Variants in DNAH2 observed in about 807,000 individuals in gnomAD.
DNAH2 encodes the protein dynein axonemal heavy chain 2.
In DNAH2, 323 loss-of-function variants were observed where a neutral mutation model predicts 523.5. That is an observed-to-expected ratio of 0.62 (90% confidence interval 0.56 to 0.68). The LOEUF (loss-of-function observed/expected upper bound fraction) is 0.68. Ranked by LOEUF, DNAH2 falls within the 30% of genes least tolerant of loss-of-function variation. DNAH2 has a pLI of 0.00. For synonymous variants in DNAH2, 2,093 were observed against 2,177.4 expected, an observed-to-expected ratio of 0.96 and a Z score of 1.08; for missense variants, 4,907 against 5,701.5, an observed-to-expected ratio of 0.86 and a Z score of 4.49.
Position 7,787,856 on chromosome 17 carries a change from T to G in DNAH2, c.6604-4T>G, listed in dbSNP as rs748790133. ...ATGAAGTTCTGACAAACGTATATCC[T>G]TAGGTGTCTCTCCTGTTTGAAGTGG... On this transcript the variant is annotated splice_polypyrimidine_tract_variant and splice_region_variant and intron_variant, in intron 42 of 85. Coordinates refer to ENST00000572933, the MANE Select transcript of DNAH2 (RefSeq NM_020877.5). The G allele has an allele frequency of 2.5e-6, 4 of 1,612,322 alleles. No homozygotes were observed. Among genetic ancestry groups the G allele is most frequent in the East Asian group, 4.5e-5 (2 of 44,838 alleles).
At chr17:7,748,144 C>G (rs1014141791) in intron 12 of DNAH2, among the ~76,000 whole-genome samples, 1 of 152,168 alleles carries the variant, frequency 6.6e-6, no homozygotes, top group African/African-American at 2.4e-5. Context: ...CTCTGAAGTC[C>G]AAATTGGCTT....
In DNAH2 at chr17:7,733,328, A is replaced by G; in HGVS notation, c.628+13A>G. 2 of 1,613,188 alleles carry G rather than the reference A, an allele frequency of 1.2e-6. No homozygotes were observed. The highest frequency in any genetic ancestry group is 1.7e-6 in the Non-Finnish European group (2 of 1,179,706). On this transcript the variant is annotated intron_variant, in intron 5 of 85. Coordinates refer to ENST00000572933, the MANE Select transcript of DNAH2 (RefSeq NM_020877.5). ...GCCTGCCTGACAGGTAAGTGGGAAG[A>G]CCGGAGTGACTAGTTTCTCCTTAGT...
Position 7,758,499 on chromosome 17 carries a change from A to G in DNAH2, c.2056A>G (p.Ile686Val). 4 of 1,613,704 alleles carry G rather than the reference A, an allele frequency of 2.5e-6. No individual in the cohort carries two copies. The highest frequency in any genetic ancestry group is 3.4e-6 in the Non-Finnish European group (4 of 1,179,884). Residue 686 changes from isoleucine to valine, a missense_variant, in exon 14 of 86, where the codon ATT (isoleucine) becomes GTT (valine). Ile to Val is a conservative substitution (Grantham distance 29, BLOSUM62 3). Transcript: ENST00000572933. ...LLVARDYNRIIAMLSPDEQAL... is the reference protein window; with the variant it reads ...LLVARDYNRIVAMLSPDEQAL... Reference sequence around the variant, plus strand: ...CCAGGCCTCTCTTATGCACAGGATTATTGCCATGCTGTCCCCAGATGAGCA... The same window carrying G: ...CCAGGCCTCTCTTATGCACAGGATTGTTGCCATGCTGTCCCCAGATGAGCA...
rs2076742712 is a variant in DNAH2, at chr17:7,786,637, A to G, written c.6416A>G (p.Asn2139Ser). The G allele has an allele frequency of 1.9e-6, 3 of 1,614,084 alleles. No individual in the cohort carries two copies. The highest frequency in any genetic ancestry group is 2.5e-6 in the Non-Finnish European group (3 of 1,180,030). ...ELYGEYDLST[N>S]EWTDGILSSV... ...TATGGGGAATATGACCTCAGCACCA[A>G]TGAATGGACAGATGGCATCTTGTCC... Residue 2139 changes from asparagine to serine, a missense_variant, in exon 41 of 86, where the codon AAT becomes AGT. Asn to Ser is a conservative substitution (Grantham distance 46, BLOSUM62 1). Around this residue, in one of 3 missense-constraint regions of DNAH2, gnomAD observed 2,806 missense variants for 3,190.8 expected, o/e 0.88. Coordinates refer to ENST00000572933, the MANE Select transcript of DNAH2 (RefSeq NM_020877.5). This position sits in a 1 kb window ranked among gnomAD's most constrained non-coding sequence, Gnocchi z 7.5.
At chr17:7,723,049 A>C (rs1262708257) in intron 2 of DNAH2, among the ~76,000 whole-genome samples, 1 of 143,918 alleles carries the variant, frequency 6.9e-6, no homozygotes, top group Non-Finnish European at 1.5e-5. Flanking sequence ...GGCTCACTAC[A>C]AGCTCCGCCT....
chr17:7,755,615 G>A (rs550008017), intron 12 of DNAH2, among the ~76,000 whole-genome samples: 2 of 152,192 alleles, frequency 1.3e-5, no homozygotes, highest in Admixed American at 1.3e-4. Context: ...TGGGATGCAG[G>A]GGAGGAAGCT....
intron 74 of DNAH2, 36 bp downstream of exon 74, chr17:7,823,664 C>T (rs748025526): frequency 3.7e-6 from 6 of 1,605,678 alleles, no homozygotes; most frequent in Non-Finnish European, 5.1e-6. Flanking sequence ...CACTTTTCTC[C>T]TTCCCTCCAT....
intron 77 of DNAH2, among the ~76,000 whole-genome samples, chr17:7,826,070 G>T (rs1299278044): frequency 1.3e-5 from 2 of 152,224 alleles, no homozygotes; most frequent in Non-Finnish European, 2.9e-5. Context: ...GTTGCAGGGA[G>T]CTGAGATTGC....
rs2076514024 is a variant in DNAH2 at position 7,778,324 on chromosome 17, G to A, written c.5396G>A (p.Gly1799Asp). 1 of 1,614,178 alleles carries A rather than the reference G, an allele frequency of 6.2e-7. No homozygotes were observed. Among genetic ancestry groups the A allele is most frequent in the Non-Finnish European group, 8.5e-7 (1 of 1,180,032 alleles). ...LTTALHLHRG[G>D]SPKGPAGTGK... ...ACGGCATTGCACCTGCACCGAGGGG[G>A]CTCCCCCAAAGGCCCTGCAGGCACA... The change falls in exon 35 of 86, where the codon GGC becomes GAC. Residue 1799 changes from glycine to aspartate, a missense_variant. By Grantham distance (94) the Gly-to-Asp change is moderately conservative. Transcript: ENST00000572933.
intron 39 of DNAH2, among the ~76,000 whole-genome samples, chr17:7,784,431 A>G (rs895996398): frequency 6.6e-6 from 1 of 152,196 alleles, no homozygotes; most frequent in African/African-American, 2.4e-5. Context: ...TAGCCCCAGG[A>G]CTTTGGGAGG....
intron 63 of DNAH2, among the ~76,000 whole-genome samples, chr17:7,808,085 A>G (rs536752626): frequency 6.6e-6 from 1 of 152,284 alleles, no homozygotes; most frequent in East Asian, 1.9e-4. Flanking sequence ...AGATGCATGC[A>G]TGAGGCTGGG....
chr17:7,750,552 T>C (rs1467354526), intron 12 of DNAH2, among the ~76,000 whole-genome samples: 1 of 152,190 alleles, frequency 6.6e-6, no homozygotes, highest in Non-Finnish European at 1.5e-5. Flanking sequence ...ACAACTGTTT[T>C]CCTGCCCTCT....
chr17:7,805,488 G>A, intron 61 of DNAH2, 95 bp downstream of exon 61: 1 of 1,558,078 alleles, frequency 6.4e-7, no homozygotes, highest in Non-Finnish European at 8.7e-7. Context: ...AGGGATGGAT[G>A]AGGCATTGTT....
At chr17:7,722,898 T>A (rs1471158556) in intron 2 of DNAH2, among the ~76,000 whole-genome samples, 1 of 151,970 alleles carries the variant, frequency 6.6e-6, no homozygotes, top group Admixed American at 6.6e-5. Flanking sequence ...TACCTAGAAG[T>A]GGAATTGCTG....
intron 7 of DNAH2, among the ~76,000 whole-genome samples, chr17:7,736,005 G>A (rs773164355): frequency 7.2e-5 from 11 of 151,774 alleles, no homozygotes; most frequent in Admixed American, 2.0e-4. Flanking sequence ...CACCCGCCTC[G>A]GCCTCACAAA....
intron 20 of DNAH2, 75 bp downstream of exon 20, chr17:7,764,348 T>G (rs989326530): frequency 6.6e-7 from 1 of 1,523,380 alleles, no homozygotes; most frequent in Non-Finnish European, 8.8e-7. Flanking sequence ...TTGGCTGTCC[T>G]CGGGGAGAGT....
rs769138399 is a variant in DNAH2 at position 7,830,687 on chromosome 17, C to A, written c.12075C>A (p.Leu4025=). 3 of 1,614,202 alleles carry A rather than the reference C, an allele frequency of 1.9e-6. No homozygotes were observed. In the South Asian group the frequency reaches 3.3e-5, roughly 18 times the overall value. ...CAGAAAACTTGCTGAGCCTCTATCT[C>A]GATGAGTACGAGGAGACACCTTGGG... is the stretch of plus-strand genomic sequence containing the variant. The part of the protein sequence containing the change: ...EVSENLLSLY[L]DEYEETPWDA... Residue 4025 remains leucine, a synonymous_variant, in exon 79 of 86, where the codon CTC becomes CTA. Coordinates refer to ENST00000572933, the MANE Select transcript of DNAH2 (RefSeq NM_020877.5).
rs1328994539 is a variant in DNAH2 at position 7,830,469 on chromosome 17, G to C, written c.12023G>C (p.Gly4008Ala). 1 of 1,614,166 alleles carries C rather than the reference G, an allele frequency of 6.2e-7. No individual in the cohort carries two copies. Among genetic ancestry groups the C allele is most frequent in the Non-Finnish European group, 8.5e-7 (1 of 1,180,034 alleles). ...CAGCTTGGCTGGAACATCATCTATG[G>C]CTTCAATGACTCCGACTTTGAGGTT... ...FLQLGWNIIY[G>A]FNDSDFEVSE... Residue 4008 changes from glycine to alanine, a missense_variant, in exon 78 of 86, where the codon GGC (glycine) becomes GCC (alanine). Gly to Ala is a moderately conservative substitution (Grantham distance 60, BLOSUM62 0). Transcript: ENST00000572933.
At position 7,797,745 on chromosome 17, in the gene DNAH2, A is replaced by G; in HGVS notation, c.8146A>G (p.Met2716Val). Residue 2716 changes from methionine (M) to valine (V), a missense_variant, in exon 53 of 86, where the codon ATG (methionine) becomes GTG (valine). By Grantham distance (21) the Met-to-Val change is conservative. Transcript: ENST00000572933. ...GGATCTGACAGTGCTGAAGACAGTC[A>G]TGGAGACAGCTCTAAATGAGTATAA... ...LTDLTVLKTV[M>V]ETALNEYNLS... 6.2e-7 allele frequency: 1 copy of G among 1,614,176 alleles called. No homozygotes were observed. The highest frequency in any genetic ancestry group is 8.5e-7 in the Non-Finnish European group (1 of 1,180,026).
Sources: gnomAD v4.1 joint callset for allele counts (sites outside exome capture counted in the v4.1 genomes callset) on GRCh38, gnomAD v4.1.1 for gene constraint, gnomAD v4.1.1 regional missense constraint, Gnocchi (gnomAD v3.1) non-coding constraint, MANE v1.5 for transcripts, NCBI Gene and HGNC (gene_info 2026-07-23, HGNC 2026-07-21) for gene names.